Variants in TAOK1 observed in about 807,000 individuals in gnomAD.
TAOK1 encodes serine/threonine-protein kinase TAO1.
In TAOK1, 21 loss-of-function variants were observed where a neutral mutation model predicts 138.3. That is an observed-to-expected ratio of 0.15 (90% CI 0.11 to 0.22). The LOEUF is 0.22. TAOK1 is among the 10% of genes least tolerant of loss of function. TAOK1 has a pLI of 1.00. For synonymous variants in TAOK1, 361 were observed against 398.4 expected, an observed-to-expected ratio of 0.91 and a Z score of 1.12; for missense variants, 651 against 1,227.7, an observed-to-expected ratio of 0.53 and a Z score of 7.02.
intron 1 of TAOK1, among the ~76,000 whole-genome samples, chr17:29,399,878 C>T (rs193184331): frequency 8.4e-4 from 128 of 152,108 alleles, no homozygotes; most frequent in Middle Eastern, 3.4e-3. Flanking sequence ...TACAGGCGTG[C>T]ACCACCACAC....
chr17:29,451,452 C>T lies in TAOK1; in HGVS notation c.-94-3C>T, dbSNP rs891366961. On this transcript the variant is annotated splice_polypyrimidine_tract_variant and splice_region_variant and intron_variant, in intron 1 of 19. Transcript: ENST00000261716. ...CTGACTTTTTTTTTCTATTTTTCTA[C>T]AGTAGTTTATGCCAACGTGACTTCA... The T allele has an allele frequency of 1.0e-5, 14 of 1,387,290 alleles. No individual in the cohort carries two copies. Among genetic ancestry groups the T allele is most frequent in the African/African-American group, 1.5e-5 (1 of 68,796 alleles). The allele number at this position is 1,387,290 out of a possible 1,614,324, so 85.9% of individuals were successfully genotyped here.
intron 1 of TAOK1, among the ~76,000 whole-genome samples, chr17:29,405,814 A>G (rs1288575823): frequency 6.6e-6 from 1 of 152,172 alleles, no homozygotes; most frequent in Non-Finnish European, 1.5e-5. Context: ...CCAGTAAGTT[A>G]TGTAGCTTTC....
At position 29,495,586 on chromosome 17, in the gene TAOK1, T is replaced by C. The variant is rs2031396875; in HGVS notation, c.858T>C (p.Pro286=). The change falls in exon 11 of 20, where the codon CCT becomes CCC. Residue 286 remains proline (P), a synonymous_variant. Coordinates refer to ENST00000261716, the MANE Select transcript of TAOK1 (RefSeq NM_020791.4). The part of the protein sequence containing the change: ...LKHIFVLRER[P]ETVLIDLIQR... Reference sequence around the variant, plus strand: ...ACATATTTGTTCTTCGGGAGCGCCCTGAAACCGTGTTAATAGATCTCATTC... The same window carrying C: ...ACATATTTGTTCTTCGGGAGCGCCCCGAAACCGTGTTAATAGATCTCATTC... 12 of 1,606,160 alleles carry C rather than the reference T, an allele frequency of 7.5e-6. No homozygotes were observed. The highest frequency in any genetic ancestry group is 6.7e-5 in the East Asian group (3 of 44,810).
intron 1 of TAOK1, among the ~76,000 whole-genome samples, chr17:29,413,157 CAGGAAATATTAAT>C (rs753606977): frequency 2.0e-5 from 3 of 151,916 alleles, no homozygotes; most frequent in Non-Finnish European, 2.9e-5. Context: ...CCTGAGTCAA[CAGGAAATATTAAT>C]TAGGTTCAAT....
At chr17:29,541,987 G>C (rs1395849497) in intron 19 of TAOK1, among the ~76,000 whole-genome samples, 2 of 151,684 alleles carry the variant, frequency 1.3e-5, no homozygotes, top group Admixed American at 1.3e-4. Context: ...CCATTCTCCT[G>C]CCTCAGCCTC....
chr17:29,453,341 A>G (rs2030291789), intron 2 of TAOK1, among the ~76,000 whole-genome samples: 1 of 151,022 alleles, frequency 6.6e-6, no homozygotes, highest in South Asian at 2.1e-4. Flanking sequence ...TTGTATTTTT[A>G]GTAGAGACAG....
In TAOK1 at chr17:29,542,799, G is replaced by T. The variant is rs377080517; in HGVS notation, c.2783G>T (p.Gly928Val). ...PGPHWGHPMG[G>V]PPQAWGHPMQ... ...CCTCACTGGGGTCATCCCATGGGTG[G>T]CCCACCACAAGCTTGGGGCCATCCA... The change falls in exon 20 of 20, where the codon GGC (glycine) becomes GTC (valine). Residue 928 changes from glycine (G) to valine (V), a missense_variant. Gly to Val is a moderately radical substitution (Grantham distance 109). Transcript: ENST00000261716. 3.7e-6 allele frequency: 6 copies of T among 1,613,960 alleles called. No homozygotes were observed. Among genetic ancestry groups the T allele is most frequent in the African/African-American group, 1.3e-5 (1 of 74,926 alleles).
chr17:29,460,214 C>T (rs988334366), intron 2 of TAOK1, among the ~76,000 whole-genome samples: 4 of 152,124 alleles, frequency 2.6e-5, no homozygotes, highest in Non-Finnish European at 4.4e-5. Context: ...TTTTCTGAGA[C>T]GGAGTCTCGC....
intron 16 of TAOK1, among the ~76,000 whole-genome samples, chr17:29,520,749 G>A (rs965678320): frequency 6.6e-6 from 1 of 151,034 alleles, no homozygotes; most frequent in Non-Finnish European, 1.5e-5. Flanking sequence ...AGCAGGCCGG[G>A]TAGTAGTGGC....
chr17:29,515,883 C>T (rs1344449281), intron 15 of TAOK1, among the ~76,000 whole-genome samples: 3 of 152,008 alleles, frequency 2.0e-5, no homozygotes, highest in Admixed American at 1.3e-4. Flanking sequence ...GAGGGCATTG[C>T]CCTGCCTGAG....
chr17:29,452,677 G>C (rs1052676662), intron 2 of TAOK1, among the ~76,000 whole-genome samples: 2 of 151,898 alleles, frequency 1.3e-5, no homozygotes, highest in Non-Finnish European at 2.9e-5. Flanking sequence ...AATCTCCCTT[G>C]GTCTCGATGA....
At chr17:29,486,212 C>A (rs972839282) in intron 8 of TAOK1, among the ~76,000 whole-genome samples, 1 of 152,076 alleles carries the variant, frequency 6.6e-6, no homozygotes, top group African/African-American at 2.4e-5. Context: ...TCACTTGAGC[C>A]CAGGAGGTCA....
chr17:29,415,302 A>G (rs2153021324), intron 1 of TAOK1, among the ~76,000 whole-genome samples: 1 of 152,302 alleles, frequency 6.6e-6, no homozygotes, highest in South Asian at 2.1e-4. Flanking sequence ...GAATGGTGCT[A>G]ATGTGAACAT....
At chr17:29,408,544 A>C (rs1196810261) in intron 1 of TAOK1, among the ~76,000 whole-genome samples, 2 of 151,960 alleles carry the variant, frequency 1.3e-5, no homozygotes, top group African/African-American at 2.4e-5. Flanking sequence ...AATTTTACCA[A>C]GCTTTAATTT....
At chr17:29,461,000 T>C (rs2030517815) in intron 2 of TAOK1, among the ~76,000 whole-genome samples, 2 of 152,238 alleles carry the variant, frequency 1.3e-5, no homozygotes, top group South Asian at 4.1e-4. Flanking sequence ...CCTTATGTAA[T>C]AATTGCTAAG....
chr17:29,403,605 C>A (rs1423454349), intron 1 of TAOK1: 1 of 152,126 alleles, frequency 6.6e-6, no homozygotes, highest in Non-Finnish European at 1.5e-5. Flanking sequence ...GGGCTCATTA[C>A]TTGATAGGAG....
At chr17:29,459,739 A>G (rs949120905) in intron 2 of TAOK1, among the ~76,000 whole-genome samples, 29 of 152,094 alleles carry the variant, frequency 1.9e-4, no homozygotes, top group Admixed American at 1.2e-3. Context: ...GATAATACTA[A>G]TTTCCTTTAT....
intron 1 of TAOK1, among the ~76,000 whole-genome samples, chr17:29,402,879 A>G (rs1302632396): frequency 6.6e-6 from 1 of 151,828 alleles, no homozygotes; most frequent in Non-Finnish European, 1.5e-5. Flanking sequence ...TCTACTAAAA[A>G]TACAAAAAAA....
At chr17:29,518,952 A>T (rs12451666) in intron 16 of TAOK1, among the ~76,000 whole-genome samples, 24,286 of 151,846 alleles carry the variant, frequency 0.16, 2,066 homozygotes, top group Admixed American at 0.21. Context: ...TTTTTAGTAG[A>T]GACGGGGTTT....
Sources: gnomAD v4.1 joint callset for allele counts (sites outside exome capture counted in the v4.1 genomes callset) on GRCh38, gnomAD v4.1.1 for gene constraint, MANE v1.5 for transcripts, NCBI Gene and HGNC (gene_info 2026-07-23, HGNC 2026-07-21) for gene names.